MFNG: variants seen among roughly 807,000 people sequenced by gnomAD.
The protein encoded by MFNG is beta-1,3-N-acetylglucosaminyltransferase manic fringe.
In MFNG, 24 loss-of-function variants were observed where a neutral mutation model predicts 34.2. The observed-to-expected ratio is 0.70, with a 90% confidence interval of 0.51 to 0.99. The LOEUF (loss-of-function observed/expected upper bound fraction) is 0.99, where lower values mean the gene tolerates loss of function less well. Among genes scored for constraint, MFNG ranks in the 50% least tolerant of loss-of-function variants. MFNG has a pLI of 0.00. For missense variants in MFNG, 383 were observed against 424.0 expected, an observed-to-expected ratio of 0.90 and a Z score of 0.85; for synonymous variants, 158 against 179.2, an observed-to-expected ratio of 0.88 and a Z score of 0.94.
Position 37,476,930 on chromosome 22 carries a change from G to C in MFNG, c.613C>G (p.Arg205Gly), listed in dbSNP as rs554733145. The C allele has an allele frequency of 1.2e-6, 2 of 1,614,028 alleles. No homozygotes were observed. Among genetic ancestry groups the C allele is most frequent in the South Asian group, 2.2e-5 (2 of 91,060 alleles). ...ATGGAGFCIN[R>G]KLALKMAPWA... is the part of the protein sequence containing the mutation. ...GGAGCCATCTTCAAAGCCAGTTTGC[G>C]ATTGATGCAGAAGCCAGCACCCCCA... Residue 205 changes from arginine (R) to glycine (G), a missense_variant, in exon 5 of 8, where the codon CGC becomes GGC. Coordinates refer to ENST00000356998, the MANE Select transcript of MFNG (RefSeq NM_002405.4).
At chr22:37,471,248 A>C (rs1033366092) in intron 7 of MFNG, among the ~76,000 whole-genome samples, 3 of 152,300 alleles carry the variant, frequency 2.0e-5, no homozygotes, top group African/African-American at 7.2e-5. Flanking sequence ...AGGCAGAATC[A>C]GGGCTCCTTC....
chr22:37,471,731 T>C (rs1921812611), intron 7 of MFNG, among the ~76,000 whole-genome samples: 1 of 147,928 alleles, frequency 6.8e-6, no homozygotes, highest in South Asian at 2.1e-4. Context: ...TTCGGGAGGC[T>C]GAGGCAGAAG....
At chr22:37,478,106 C>T (rs1396114289) in intron 4 of MFNG, among the ~76,000 whole-genome samples, 1 of 152,206 alleles carries the variant, frequency 6.6e-6, no homozygotes, top group African/African-American at 2.4e-5. Flanking sequence ...ACACAGAGCC[C>T]TAGGGCCCAG....
rs138041426 is a variant in MFNG at position 37,479,514 on chromosome 22, G to A, written c.408-16C>T. On this transcript the variant is annotated splice_polypyrimidine_tract_variant and intron_variant, in intron 3 of 7. Coordinates refer to ENST00000356998, the MANE Select transcript of MFNG (RefSeq NM_002405.4). ...GCAGAACCACCTGTAGGGATGAAAC[G>A]GGGACAGTGAACTTGTTGGGGGGGT... 2.4e-5 allele frequency: 38 copies of A among 1,608,562 alleles called. No homozygotes were observed. Among genetic ancestry groups the A allele is most frequent in the African/African-American group, 9.4e-5 (7 of 74,638 alleles).
intron 6 of MFNG, among the ~76,000 whole-genome samples, chr22:37,473,881 C>T (rs1450058981): frequency 2.6e-5 from 4 of 152,308 alleles, no homozygotes; most frequent in South Asian, 2.1e-4. Context: ...CAGGAGATCC[C>T]GGGGACGCTC....
rs564360431 is a variant in MFNG at position 37,480,782 on chromosome 22, A to C, written c.256-13T>G. 1 of 1,612,688 alleles carries C rather than the reference A, an allele frequency of 6.2e-7. No individual in the cohort carries two copies. Among genetic ancestry groups the C allele is most frequent in the East Asian group, 2.2e-5 (1 of 44,868 alleles). ...TGAAGACAAATGTCTAGGAAGGAGA[A>C]GAAGGGGTCAGGACTCACATCGGCC... On this transcript the variant is annotated splice_polypyrimidine_tract_variant and intron_variant, in intron 1 of 7. Coordinates refer to ENST00000356998, the MANE Select transcript of MFNG (RefSeq NM_002405.4).
chr22:37,480,671 C>T, intron 2 of MFNG, 50 bp downstream of exon 2: 4 of 1,580,762 alleles, frequency 2.5e-6, no homozygotes, highest in Non-Finnish European at 3.5e-6. Context: ...CCCCAGCTTT[C>T]CCAGGCAACA....
At position 37,485,924 on chromosome 22, in the gene MFNG, T is replaced by A. The variant is rs200265617; in HGVS notation, c.254A>T (p.Gln85Leu). 1 of 1,612,166 alleles carries A rather than the reference T, an allele frequency of 6.2e-7. No homozygotes were observed. The highest frequency in any genetic ancestry group is 8.5e-7 in the Non-Finnish European group (1 of 1,178,858). ...GGCCCAATGTCACCCACTTGTCACC[T>A]GTTCCCTGGTCCTGGAAACCCACGT... is the stretch of plus-strand genomic sequence containing the variant. ...LDTWVSRTRE[Q>L]TFVFTDSPDK... is the part of the protein sequence containing the mutation. The change falls in exon 1 of 8, where the codon CAG (glutamine) becomes CTG (leucine). Residue 85 changes from glutamine (Q) to leucine (L), a missense_variant and splice_region_variant. Physicochemically the swap from Gln to Leu is moderately radical, Grantham distance 113. Transcript: ENST00000356998. The surrounding 1 kb of genome is among the most constrained non-coding windows in gnomAD (Gnocchi z 5.3).
intron 6 of MFNG, among the ~76,000 whole-genome samples, chr22:37,473,007 A>G (rs1279871285): frequency 6.6e-6 from 1 of 152,148 alleles, no homozygotes; most frequent in African/African-American, 2.4e-5. Flanking sequence ...CCACCCAGCT[A>G]GGGTTCCAGT....
rs1293731836 is a variant in MFNG at position 37,485,771 on chromosome 22, GGAA to G, written c.255+149_255+151del. The G allele has an allele frequency of 3.7e-5, 38 of 1,032,968 alleles. No homozygotes were observed. In the South Asian group the frequency reaches 4.7e-4, roughly 13 times the overall value. 64.0% of individuals were successfully genotyped at this position (1,032,968 alleles called of 1,614,324 possible). ...GGGCCGCAGGCAGCCCCTAAAGCCC[GGAA>G]GAAGGAGAGAGGAAGAGGATCCCTG... On this transcript the variant is annotated intron_variant, in intron 1 of 7. Transcript: ENST00000356998. The surrounding 1 kb of genome is among the most constrained non-coding windows in gnomAD (Gnocchi z 5.3).
At chr22:37,470,288 T>C (rs950235758) in intron 7 of MFNG, among the ~76,000 whole-genome samples, 5 of 152,160 alleles carry the variant, frequency 3.3e-5, no homozygotes, top group African/African-American at 7.2e-5. Context: ...GTCTCCGACA[T>C]TGCCAGACGT....
In MFNG at chr22:37,486,163, G is replaced by T; in HGVS notation, c.15C>A (p.Leu5=). The part of the protein sequence containing the change: MQCR[L]PRGLAGALLT... ...GGAGGGCTCCAGCCAGGCCCCGCGG[G>T]AGCCGGCACTGCATTGGTTGGCCCT... Residue 5 remains leucine (L), a synonymous_variant, in exon 1 of 8, where the codon CTC becomes CTA. Coordinates refer to ENST00000356998, the MANE Select transcript of MFNG (RefSeq NM_002405.4). 1 of 1,579,992 alleles carries T rather than the reference G, an allele frequency of 6.3e-7. No homozygotes were observed.
intron 5 of MFNG, among the ~76,000 whole-genome samples, chr22:37,475,466 C>T (rs1272492114): frequency 6.6e-6 from 1 of 152,148 alleles, no homozygotes; most frequent in Non-Finnish European, 1.5e-5. Context: ...TCAAGTGAGT[C>T]ACCCACCTCA....
rs1922557168 is a variant in MFNG, at chr22:37,486,346, G to T, written c.-169C>A. ...GCTCTGGACCCAGAGGCTGAGCCAT[G>T]GCAGCACGATCTCGACCGCCGCCAG... On this transcript the variant is annotated 5_prime_UTR_variant, in exon 1 of 8. Coordinates refer to ENST00000356998, the MANE Select transcript of MFNG (RefSeq NM_002405.4). The T allele has an allele frequency of 1.5e-6, 1 of 649,744 alleles. No individual in the cohort carries two copies. Among genetic ancestry groups the T allele is most frequent in the Non-Finnish European group, 2.3e-6 (1 of 439,682 alleles). The allele number at this position is 649,744 out of a possible 1,614,324, so 40.2% of individuals were successfully genotyped here.
Position 37,486,336 on chromosome 22 carries a change from G to C in MFNG, c.-159C>G. 2.8e-6 allele frequency: 2 copies of C among 721,678 alleles called. No homozygotes were observed. Among genetic ancestry groups the C allele is most frequent in the Non-Finnish European group, 2.0e-6 (1 of 492,950 alleles). 44.7% of individuals were successfully genotyped at this position (721,678 alleles called of 1,614,324 possible). A position where few individuals can be genotyped will look rare whatever the true frequency, so the allele number is the denominator to read the frequency against. On this transcript the variant is annotated 5_prime_UTR_variant, in exon 1 of 8. Transcript: ENST00000356998. Reference sequence around the variant, plus strand: ...AGGAGCTGAGGCTCTGGACCCAGAGGCTGAGCCATGGCAGCACGATCTCGA... The same window carrying C: ...AGGAGCTGAGGCTCTGGACCCAGAGCCTGAGCCATGGCAGCACGATCTCGA...
intron 3 of MFNG, among the ~76,000 whole-genome samples, chr22:37,479,730 G>A (rs992509247): frequency 4.6e-5 from 7 of 152,292 alleles, no homozygotes; most frequent in African/African-American, 1.4e-4. Flanking sequence ...CTGGCCAGGT[G>A]TGGTGGCTCA....
At chr22:37,480,428 G>T in intron 2 of MFNG, 129 bp from the exon 3 acceptor site, 1 of 739,582 alleles carries the variant, frequency 1.4e-6, no homozygotes, top group Admixed American at 2.5e-5. Flanking sequence ...TTTACACATG[G>T]TAGGACTGAG....
chr22:37,483,306 C>T lies in MFNG; in HGVS notation c.256-2537G>A, dbSNP rs976388044. On this transcript the variant is annotated intron_variant, in intron 1 of 7. Transcript: ENST00000356998. This position sits in a 1 kb window ranked among gnomAD's most constrained non-coding sequence, Gnocchi z 4.5. ...GCTGCCTGCTTTGCTGCAGGCCCTC[C>T]TCCCTGGCCTCCCTGCTCCCTGCCT... Among the ~76,000 whole-genome samples the T allele has an allele frequency of 1.3e-5, 2 of 152,132 alleles. No individual in the cohort carries two copies. The highest frequency in any genetic ancestry group is 4.8e-5 in the African/African-American group (2 of 41,440).
chr22:37,481,620 C>T (rs1207394565), intron 1 of MFNG, among the ~76,000 whole-genome samples: 1 of 152,244 alleles, frequency 6.6e-6, no homozygotes, highest in Non-Finnish European at 1.5e-5. Context: ...CCATTCCATG[C>T]CCGGCCCAAC....
Sources: gnomAD v4.1 joint callset for allele counts (sites outside exome capture counted in the v4.1 genomes callset) on GRCh38, gnomAD v4.1.1 for gene constraint, Gnocchi (gnomAD v3.1) non-coding constraint, MANE v1.5 for transcripts, NCBI Gene and HGNC (gene_info 2026-07-23, HGNC 2026-07-21) for gene names.